The following DNAH3 variants were observed in gnomAD, a reference collection of about 807,000 sequenced individuals.
DNAH3 encodes the protein dynein axonemal heavy chain 3.
DNAH3 carries 332 observed loss-of-function variants against 432.5 expected under a neutral mutation model. That is an observed-to-expected ratio of 0.77 (90% CI 0.70 to 0.84). The LOEUF (loss-of-function observed/expected upper bound fraction) is 0.84. Among genes scored for constraint, DNAH3 ranks in the 40% least tolerant of loss-of-function variants. DNAH3 has a pLI of 0.00. For missense variants in DNAH3, 4,861 were observed against 5,114.0 expected (o/e 0.95, Z 1.51); for synonymous variants, 1,956 against 1,900.2 (o/e 1.03, Z -0.76).
chr16:20,944,570 C>T, exon 58 of DNAH3: 1 of 1,614,174 alleles, frequency 6.2e-7, no homozygotes, highest in Non-Finnish European at 8.5e-7. Context: ...TGGTTGGTTT[C>T]CTGGTTGTCT....
At chr16:21,159,449 C>G (rs1252216673), upstream of DNAH3, 1 of 1,611,792 alleles carries the variant, frequency 6.2e-7, no homozygotes, top group South Asian at 1.1e-5. Context: ...CATCCCCCAA[C>G]CAGAGATGTG....
intron 52 of DNAH3, among the ~76,000 whole-genome samples, chr16:20,967,490 T>C (rs1437728353): frequency 2.2e-5 from 3 of 134,284 alleles, no homozygotes; most frequent in Non-Finnish European, 3.1e-5. Context: ...CACAGACTTC[T>C]GCTTTTTTTT....
chr16:21,003,182 G>A, exon 42 of DNAH3: 1 of 1,609,370 alleles, frequency 6.2e-7, no homozygotes, highest in Non-Finnish European at 8.5e-7. Flanking sequence ...TAGCTTGTTT[G>A]ATAAAATAAA....
chr16:21,098,754 C>A (rs1395893130), exon 17 of DNAH3: 1 of 1,608,698 alleles, frequency 6.2e-7, no homozygotes, highest in Non-Finnish European at 8.5e-7. Context: ...CAAGTCTCAA[C>A]TCAAATTCTG....
At chr16:21,039,115 TTGAA>T (rs2089305727) in intron 33 of DNAH3, among the ~76,000 whole-genome samples, 1 of 152,144 alleles carries the variant, frequency 6.6e-6, no homozygotes, top group Non-Finnish European at 1.5e-5. Context: ...TGGACAATAC[TTGAA>T]TGAGATATAA....
intron 5 of DNAH3, among the ~76,000 whole-genome samples, chr16:21,139,235 C>G (rs1470180428): frequency 6.9e-6 from 1 of 144,624 alleles, no homozygotes; most frequent in African/African-American, 2.6e-5. Context: ...TATTTCTCAT[C>G]TAAAGGAGGT....
At chr16:21,079,681 T>C (rs770968737) in intron 20 of DNAH3, among the ~76,000 whole-genome samples, 4 of 152,134 alleles carry the variant, frequency 2.6e-5, no homozygotes, top group Non-Finnish European at 4.4e-5. Context: ...TTCAGGTATA[T>C]AAAATGCTGA....
At chr16:20,979,298 C>CT (rs769441928) in intron 50 of DNAH3, 32 bp downstream of exon 50, 2 of 1,609,752 alleles carry the variant, frequency 1.2e-6, no homozygotes, top group Middle Eastern at 1.9e-4. Flanking sequence ...TCCCGGGCCT[C>CT]TTTGTCTCTG....
intron 51 of DNAH3, among the ~76,000 whole-genome samples, chr16:20,971,382 G>GT (rs1567554802): frequency 6.6e-6 from 1 of 152,154 alleles, no homozygotes; most frequent in African/African-American, 2.4e-5. Context: ...ATTTCTGGGA[G>GT]TGTGAGGAGA....
At chr16:21,136,093 T>G (rs1208811878) in intron 6 of DNAH3, among the ~76,000 whole-genome samples, 1 of 151,816 alleles carries the variant, frequency 6.6e-6, no homozygotes, top group Non-Finnish European at 1.5e-5. Flanking sequence ...GGAATCAGGG[T>G]GGCAAATGAC....
At chr16:21,054,563 G>A in intron 27 of DNAH3, 29 bp from the exon 28 acceptor site, 2 of 1,538,006 alleles carry the variant, frequency 1.3e-6, no homozygotes, top group South Asian at 1.1e-5. Flanking sequence ...GGGACAACTG[G>A]TTACATTTGA....
intron 38 of DNAH3, among the ~76,000 whole-genome samples, chr16:21,026,633 AGAGGTTGCAGT>A (rs2088571047): frequency 1.4e-5 from 2 of 145,244 alleles, no homozygotes; most frequent in African/African-American, 5.1e-5. Context: ...CCTGGGAGGC[AGAGGTTGCAGT>A]GAGTCGAGAT....
At chr16:21,149,270 T>C (rs1043142467) in intron 1 of DNAH3, among the ~76,000 whole-genome samples, 1 of 151,776 alleles carries the variant, frequency 6.6e-6, no homozygotes, top group African/African-American at 2.4e-5. Context: ...AAGAAATTAA[T>C]GCTTAAATCT....
In DNAH3 at chr16:20,945,302, A is replaced by C. The variant is rs183307389; in HGVS notation, c.11344-639T>G. ...TGTTTACAGATGTCATGACAATGTC[A>C]GGAAGTTGCCCTATATAGTCTAGAA... On this transcript the variant is annotated intron_variant, in intron 57 of 61. Coordinates refer to ENST00000261383, the Ensembl canonical transcript of DNAH3. 2.6e-5 allele frequency among the ~76,000 whole-genome samples: 4 copies of C among 152,330 alleles called. No individual in the cohort carries two copies. In the East Asian group the frequency reaches 7.7e-4, roughly 29 times the overall value.
intron 6 of DNAH3, among the ~76,000 whole-genome samples, chr16:21,134,766 C>T (rs1357690819): frequency 1.3e-5 from 2 of 152,134 alleles, no homozygotes; most frequent in Non-Finnish European, 1.5e-5. Flanking sequence ...CTGCAACCTC[C>T]ACCTCCGCCT....
At chr16:21,075,425 C>A in intron 21 of DNAH3, 22 bp downstream of exon 21, 1 of 1,528,600 alleles carries the variant, frequency 6.5e-7, no homozygotes, top group Non-Finnish European at 9.1e-7. Context: ...TCAAAAGGGG[C>A]TGCGGTTGCA....
At chr16:20,986,534 G>A (rs915851807) in intron 47 of DNAH3, among the ~76,000 whole-genome samples, 1 of 152,032 alleles carries the variant, frequency 6.6e-6, no homozygotes, top group Non-Finnish European at 1.5e-5. Flanking sequence ...TTTGTTAAAA[G>A]AAAGGACATT....
chr16:21,121,584 C>CTTTTTTTTTTTTTTTT (rs397956825), intron 10 of DNAH3, among the ~76,000 whole-genome samples: 1 of 138,658 alleles, frequency 7.2e-6, no homozygotes, highest in African/African-American at 2.6e-5. Flanking sequence ...CAAAGTAGGT[C>CTTTTTTTTTTTTTTTT]TTTTTTTTTT....
intron 10 of DNAH3, chr16:21,121,061 G>A (rs751225254): frequency 2.1e-5 from 14 of 675,976 alleles, no homozygotes; most frequent in African/African-American, 1.9e-4. Context: ...CTGGGCATTC[G>A]TTTCACATGA....
Sources: allele counts gnomAD v4.1 joint callset (sites outside exome capture counted in the v4.1 genomes callset), GRCh38; gene constraint gnomAD v4.1.1; transcripts MANE v1.5; gene names NCBI Gene and HGNC (gene_info 2026-07-23, HGNC 2026-07-21).